The following ME1 variants were observed in gnomAD, a reference collection of about 807,000 sequenced individuals.
The protein encoded by ME1 is malic enzyme 1, also known as NADP-dependent malic enzyme.
ME1 carries 74 observed loss-of-function variants against 66.4 expected under a neutral mutation model. The ratio of observed to expected loss-of-function variants is 1.11; its 90% CI spans 0.92 to 1.35. ME1 has a LOEUF of 1.35. Among genes scored for constraint, ME1 ranks in the 40% most tolerant of loss-of-function variants. The pLI is 0.00. For synonymous variants in ME1, 251 were observed against 235.6 expected (o/e 1.07, Z -0.60); for missense variants, 750 against 694.1 (o/e 1.08, Z -0.90).
intron 6 of ME1, among the ~76,000 whole-genome samples, chr6:83,280,235 G>A (rs1340248311): frequency 6.6e-6 from 1 of 152,036 alleles, no homozygotes; most frequent in Admixed American, 6.5e-5. Context: ...TTTCTCAACT[G>A]ACCTAACAAC....
At chr6:83,366,779 G>A (rs914284307) in intron 3 of ME1, among the ~76,000 whole-genome samples, 7 of 152,090 alleles carry the variant, frequency 4.6e-5, no homozygotes, top group Non-Finnish European at 5.9e-5. Flanking sequence ...GACTTCCACC[G>A]AAGTCTTGGA....
intron 5 of ME1, among the ~76,000 whole-genome samples, chr6:83,318,801 G>C (rs1457865736): frequency 1.0e-5 from 1 of 97,668 alleles, no homozygotes; most frequent in Non-Finnish European, 2.2e-5. Flanking sequence ...TCCCATTACT[G>C]GGTATATACC....
At chr6:83,315,778 T>C (rs1768019765) in intron 5 of ME1, among the ~76,000 whole-genome samples, 2 of 152,096 alleles carry the variant, frequency 1.3e-5, no homozygotes, top group African/African-American at 2.4e-5. Context: ...GCATCTGTAG[T>C]CCCAGCTATT....
chr6:83,227,285 T>A lies in ME1; in HGVS notation c.1275+50A>T, dbSNP rs775550607. The stretch of plus-strand genomic sequence containing the variant: ...ACCTTAGATATCCTAGGCCTCCCTA[T>A]AATGAATAAAAATTTGATTATTAAA... On this transcript the variant is annotated intron_variant, in intron 11 of 13. Coordinates refer to ENST00000369705, the MANE Select transcript of ME1 (RefSeq NM_002395.6). 10 of 1,346,468 alleles carry A rather than the reference T, an allele frequency of 7.4e-6. No individual in the cohort carries two copies. In the East Asian group the frequency reaches 2.7e-4, roughly 36 times the overall value. 83.4% of individuals were successfully genotyped at this position (1,346,468 alleles called of 1,614,324 possible).
chr6:83,227,228 G>T, intron 11 of ME1, 107 bp downstream of exon 11: 2 of 603,436 alleles, frequency 3.3e-6, no homozygotes, highest in Non-Finnish European at 5.0e-6. Flanking sequence ...TTTCCATTTT[G>T]GTTGTATAAT....
chr6:83,266,627 C>T (rs566624792), intron 6 of ME1, among the ~76,000 whole-genome samples: 4 of 152,228 alleles, frequency 2.6e-5, no homozygotes, highest in South Asian at 4.1e-4. Context: ...AGCTCGTTTC[C>T]TCTCATATAC....
intron 6 of ME1, among the ~76,000 whole-genome samples, chr6:83,296,705 T>C (rs1767603575): frequency 2.0e-5 from 3 of 152,098 alleles, no homozygotes; most frequent in Admixed American, 6.6e-5. Flanking sequence ...GGCATCCAAA[T>C]AGGAAGAAAG....
intron 6 of ME1, among the ~76,000 whole-genome samples, chr6:83,283,588 A>G (rs1767346763): frequency 6.6e-6 from 1 of 152,110 alleles, no homozygotes; most frequent in East Asian, 1.9e-4. Flanking sequence ...TAAAATAAAA[A>G]ACAAAAACAA....
At chr6:83,272,932 T>C (rs949795656) in intron 6 of ME1, among the ~76,000 whole-genome samples, 30 of 152,204 alleles carry the variant, frequency 2.0e-4, no homozygotes, top group African/African-American at 7.0e-4. Flanking sequence ...CCCAGCACTT[T>C]GGGAGGCTGA....
intron 1 of ME1, among the ~76,000 whole-genome samples, chr6:83,421,903 G>A (rs543623714): frequency 6.0e-4 from 91 of 152,266 alleles, no homozygotes; most frequent in Admixed American, 1.8e-3. Context: ...TCTCAAGATC[G>A]TAGGTCAAAT....
intron 5 of ME1, among the ~76,000 whole-genome samples, chr6:83,345,037 G>A (rs1768661994): frequency 6.6e-6 from 1 of 151,756 alleles, no homozygotes; most frequent in Non-Finnish European, 1.5e-5. Context: ...TCACTCTGTA[G>A]CCCAGGTTGT....
intron 12 of ME1, among the ~76,000 whole-genome samples, chr6:83,219,815 T>C (rs1326501759): frequency 6.6e-6 from 1 of 151,060 alleles, no homozygotes; most frequent in African/African-American, 2.4e-5. Context: ...CTCAAACTCC[T>C]GAGCTCAAGC....
In ME1 at chr6:83,407,820, G is replaced by T; in HGVS notation, c.160C>A (p.Gln54Lys). 2 of 1,612,866 alleles carry T rather than the reference G, an allele frequency of 1.2e-6. No individual in the cohort carries two copies. The highest frequency in any genetic ancestry group is 2.7e-5 in the African/African-American group (2 of 74,974). ...LPPSFNSQEI[Q>K]VLRVVKNFEH... The stretch of plus-strand genomic sequence containing the variant: ...AAATTTTTTACTACTCTAAGAACCT[G>T]GATCTCCTGACTGTTGAAGGAAGGT... Residue 54 changes from glutamine to lysine, a missense_variant, in exon 2 of 14, where the codon CAG (glutamine) becomes AAG (lysine). Gln to Lys is a moderately conservative substitution (Grantham distance 53). Transcript: ENST00000369705.
In ME1 at chr6:83,282,574, C is replaced by T. The variant is rs1767318582; in HGVS notation, c.705-28836G>A. On this transcript the variant is annotated intron_variant, in intron 6 of 13. Transcript: ENST00000369705. ...ACCACAATGAGATATCATCTCACTC[C>T]AGTTAGAATGGCGATCATTAAAAAG... 1.3e-5 allele frequency among the ~76,000 whole-genome samples: 2 copies of T among 152,158 alleles called. 1 individual carries two copies. The highest frequency in any genetic ancestry group is 1.3e-4 in the Admixed American group (2 of 15,280).
At chr6:83,302,040 T>G (rs956427042) in intron 6 of ME1, among the ~76,000 whole-genome samples, 2 of 152,096 alleles carry the variant, frequency 1.3e-5, no homozygotes, top group African/African-American at 4.8e-5. Context: ...AGCAAAGATA[T>G]GGAATCAACC....
Position 83,237,839 on chromosome 6 carries a change from T to C in ME1, c.913-9A>G, listed in dbSNP as rs575176866. ...GCAATCCCTAGGGCAGCCTCAGTGATGAAAAGAAAAAATTTTAAAGTTGTT... is the reference window on the plus strand; with the variant it reads ...GCAATCCCTAGGGCAGCCTCAGTGACGAAAAGAAAAAATTTTAAAGTTGTT... On this transcript the variant is annotated splice_polypyrimidine_tract_variant and intron_variant, in intron 8 of 13. Transcript: ENST00000369705. The C allele has an allele frequency of 3.3e-6, 5 of 1,510,412 alleles. No individual in the cohort carries two copies. Among genetic ancestry groups the C allele is most frequent in the African/African-American group, 1.4e-5 (1 of 71,554 alleles). 93.6% of individuals were successfully genotyped at this position (1,510,412 alleles called of 1,614,324 possible).
chr6:83,302,251 T>C (rs1029788957), intron 6 of ME1, among the ~76,000 whole-genome samples: 5 of 151,898 alleles, frequency 3.3e-5, no homozygotes, highest in African/African-American at 1.2e-4. Context: ...ACCTAAATAA[T>C]AAGAACATGT....
At chr6:83,371,147 A>G (rs1769187068) in intron 3 of ME1, among the ~76,000 whole-genome samples, 1 of 152,154 alleles carries the variant, frequency 6.6e-6, no homozygotes, top group South Asian at 2.1e-4. Context: ...AATTTCATTT[A>G]TAATTTATTC....
intron 9 of ME1, among the ~76,000 whole-genome samples, chr6:83,229,884 T>A (rs941095347): frequency 5.3e-5 from 8 of 152,204 alleles, no homozygotes; most frequent in Non-Finnish European, 1.5e-5. Flanking sequence ...TGGAGTGCTG[T>A]GGATCAGAGG....
Sources: allele counts gnomAD v4.1 joint callset (sites outside exome capture counted in the v4.1 genomes callset), GRCh38; gene constraint gnomAD v4.1.1; transcripts MANE v1.5; gene names NCBI Gene and HGNC (gene_info 2026-07-23, HGNC 2026-07-21).